The following TNNI2 variants were observed in gnomAD, a reference collection of about 807,000 sequenced individuals.
TNNI2 encodes troponin I2, fast skeletal type.
In TNNI2, 14 loss-of-function variants were observed where a neutral mutation model predicts 26.5. That is an observed-to-expected ratio of 0.53 (90% CI 0.35 to 0.83). The LOEUF (loss-of-function observed/expected upper bound fraction) is 0.83, where lower values mean the gene tolerates loss of function less well. Among genes scored for constraint, TNNI2 ranks in the 40% least tolerant of loss-of-function variants. TNNI2 has a pLI of 0.01. For synonymous variants in TNNI2, 126 were observed against 97.6 expected (o/e 1.29, Z -1.71); for missense variants, 205 against 248.5 (o/e 0.82, Z 1.18).
Position 1,841,121 on chromosome 11 carries a change from C to A in TNNI2, c.367C>A (p.Leu123Ile). The change falls in exon 7 of 8, where the codon CTC becomes ATC. Residue 123 changes from leucine (L) to isoleucine (I), a missense_variant. Physicochemically the swap from Leu to Ile is conservative, Grantham distance 5. Coordinates refer to ENST00000381911, the MANE Select transcript of TNNI2 (RefSeq NM_003282.4). ...RRVRMSADAM[L>I]KALLGSKHKV... The stretch of plus-strand genomic sequence containing the variant: ...GGTGCGCATGTCGGCCGATGCCATG[C>A]TCAAGGCCCTGCTGGGCTCGAAGCA... 6.2e-7 allele frequency: 1 copy of A among 1,613,276 alleles called. No homozygotes were observed. The highest frequency in any genetic ancestry group is 1.3e-5 in the African/African-American group (1 of 75,052).
intron 5 of TNNI2, 23 bp downstream of exon 5, chr11:1,840,679 C>T (rs1307754212): frequency 6.2e-7 from 1 of 1,612,548 alleles, no homozygotes; most frequent in Non-Finnish European, 8.5e-7. Flanking sequence ...CCCCGGCCAC[C>T]CCGCCTCCCC....
rs1847112523 is a variant in TNNI2, at chr11:1,839,364, G to C, written c.-22-311G>C. On this transcript the variant is annotated intron_variant, in intron 1 of 7. Coordinates refer to ENST00000381911, the MANE Select transcript of TNNI2 (RefSeq NM_003282.4). ...ACTTAGGCCCAAAGCCAAAGAGAGA[G>C]GGTTAAAAATAACAGCGTCACTCAG... 2.9e-5 allele frequency: 13 copies of C among 455,876 alleles called. No homozygotes were observed. In the South Asian group the frequency reaches 3.3e-4, roughly 12 times the overall value. 28.2% of individuals were successfully genotyped at this position (455,876 alleles called of 1,614,324 possible). A position where few individuals can be genotyped will look rare whatever the true frequency, so the allele number is the denominator to read the frequency against.
Position 1,840,424 on chromosome 11 carries a change from G to T in TNNI2, c.37G>T (p.Ala13Ser). The change falls in exon 4 of 8, where the codon GCC (alanine) becomes TCC (serine). Residue 13 changes from alanine (A) to serine (S), a missense_variant. Physicochemically the swap from Ala to Ser is moderately conservative, Grantham distance 99 (BLOSUM62 1). Coordinates refer to ENST00000381911, the MANE Select transcript of TNNI2 (RefSeq NM_003282.4). Reference protein sequence around the residue: ...DEEKRNRAITARRQHLKSVML... With the variant: ...DEEKRNRAITSRRQHLKSVML... ...GCAGAAGCGGAACAGGGCCATCACG[G>T]CCCGCAGGCAGCACCTGAAGGTAGG... is the stretch of plus-strand genomic sequence containing the variant. 6.2e-7 allele frequency: 1 copy of T among 1,610,568 alleles called. No individual in the cohort carries two copies. Among genetic ancestry groups the T allele is most frequent in the Non-Finnish European group, 8.5e-7 (1 of 1,179,492 alleles).
Position 1,841,498 on chromosome 11 carries a change from G to A in TNNI2, c.496G>A (p.Glu166Lys), listed in dbSNP as rs1847181948. 1 of 1,614,046 alleles carries A rather than the reference G, an allele frequency of 6.2e-7. No homozygotes were observed. Among genetic ancestry groups the A allele is most frequent in the African/African-American group, 1.3e-5 (1 of 74,940 alleles). The change falls in exon 8 of 8, where the codon GAG becomes AAG. Residue 166 changes from glutamate to lysine, a missense_variant. By Grantham distance (56) the Glu-to-Lys change is moderately conservative (BLOSUM62 1). Transcript: ENST00000381911. Reference sequence around the variant, plus strand: ...CGTGGGTGACTGGAGGAAGAACATCGAGGAGAAGTCTGGCATGGAGGGCCG... The same window carrying A: ...CGTGGGTGACTGGAGGAAGAACATCAAGGAGAAGTCTGGCATGGAGGGCCG... Reference protein sequence around the residue: ...RDVGDWRKNIEEKSGMEGRKK... With the variant: ...RDVGDWRKNIKEKSGMEGRKK...
intron 3 of TNNI2, chr11:1,840,190 C>A (rs972130212): frequency 1.9e-6 from 3 of 1,551,016 alleles, no homozygotes; most frequent in Non-Finnish European, 2.6e-6. Flanking sequence ...GCACCATGTG[C>A]CACCTGGCAA....
chr11:1,839,876 C>T (rs2292476), intron 3 of TNNI2, 21 bp downstream of exon 3: 1 of 1,613,670 alleles, frequency 6.2e-7, no homozygotes, highest in South Asian at 1.1e-5. Context: ...GCTGGGGGCT[C>T]AAAACATGAC....
chr11:1,841,572 C>G lies in TNNI2; in HGVS notation c.*21C>G. On this transcript the variant is annotated 3_prime_UTR_variant, in exon 8 of 8. Coordinates refer to ENST00000381911, the MANE Select transcript of TNNI2 (RefSeq NM_003282.4). ...CCTAGGCCACTCGCTGCCCCTACGC[C>G]TGCCCCGGTGCCCGGCTCCCAGCAG... The G allele has an allele frequency of 6.2e-7, 1 of 1,610,744 alleles. No homozygotes were observed. The highest frequency in any genetic ancestry group is 8.5e-7 in the Non-Finnish European group (1 of 1,177,116).
At position 1,841,091 on chromosome 11, in the gene TNNI2, C is replaced by A. The variant is rs762215990; in HGVS notation, c.337C>A (p.Arg113=). 5.6e-6 allele frequency: 9 copies of A among 1,613,196 alleles called. No homozygotes were observed. The East Asian group carries it at 2.0e-4, about 36-fold the overall frequency. The stretch of plus-strand genomic sequence containing the variant: ...GGGCAAGTTCAAGCGGCCCCCACTG[C>A]GGAGGGTGCGCATGTCGGCCGATGC... ...LRGKFKRPPL[R]RVRMSADAML... Residue 113 remains arginine (R), a synonymous_variant, in exon 7 of 8, where the codon CGG becomes AGG. Coordinates refer to ENST00000381911, the MANE Select transcript of TNNI2 (RefSeq NM_003282.4).
At position 1,841,647 on chromosome 11, in the gene TNNI2, C is replaced by T; in HGVS notation, c.*96C>T. 1 of 1,082,232 alleles carries T rather than the reference C, an allele frequency of 9.2e-7. No individual in the cohort carries two copies. The highest frequency in any genetic ancestry group is 1.4e-6 in the Non-Finnish European group (1 of 715,138). The allele number at this position is 1,082,232 out of a possible 1,614,324, so 67.0% of individuals were successfully genotyped here. ...AGCCTGCCAGGGAGGGCTGGCCTCA[C>T]CACCACCGTCAATAAAGGATTTGAA... On this transcript the variant is annotated 3_prime_UTR_variant, in exon 8 of 8. Coordinates refer to ENST00000381911, the MANE Select transcript of TNNI2 (RefSeq NM_003282.4).
rs1239532809 is a variant in TNNI2, at chr11:1,840,550, C to T, written c.80C>T (p.Ala27Val). 2 of 1,612,318 alleles carry T rather than the reference C, an allele frequency of 1.2e-6. No homozygotes were observed. The highest frequency in any genetic ancestry group is 2.7e-5 in the African/African-American group (2 of 74,930). ...HLKSVMLQIA[A>V]TELEKEESRR... The stretch of plus-strand genomic sequence containing the variant: ...CAGAGTGTGATGCTGCAGATAGCGG[C>T]CACGGAGCTGGAGAAGGAGGAGAGC... Residue 27 changes from alanine (A) to valine (V), a missense_variant, in exon 5 of 8, where the codon GCC (alanine) becomes GTC (valine). Ala to Val is a moderately conservative substitution (Grantham distance 64, BLOSUM62 0). Transcript: ENST00000381911.
chr11:1,840,770 G>T (rs371388789), intron 5 of TNNI2, 49 bp from the exon 6 acceptor site: 1 of 1,600,570 alleles, frequency 6.2e-7, no homozygotes, highest in South Asian at 1.1e-5. Context: ...GCAGGTGACC[G>T]TGGCTGCCAA....
At chr11:1,840,206 C>T in intron 3 of TNNI2, 197 bp from the exon 4 acceptor site, 16 of 1,551,130 alleles carry the variant, frequency 1.0e-5, no homozygotes, top group Non-Finnish European at 1.4e-5. Context: ...GGCAAAGTGT[C>T]ACACACCACA....
In TNNI2 at chr11:1,841,551, G is replaced by A. The variant is rs781603963; in HGVS notation, c.549G>A (p.Ter183=). 1 of 1,613,966 alleles carries A rather than the reference G, an allele frequency of 6.2e-7. No homozygotes were observed. Among genetic ancestry groups the A allele is most frequent in the South Asian group, 1.1e-5 (1 of 91,078 alleles). The part of the protein sequence containing the change: ...GRKKMFESES[*] ...AGAAGATGTTTGAGTCCGAGTCCTA[G>A]GCCACTCGCTGCCCCTACGCCTGCC... Residue 183 remains the stop codon, a stop_retained_variant, in exon 8 of 8, where the codon TAG becomes TAA. Coordinates refer to ENST00000381911, the MANE Select transcript of TNNI2 (RefSeq NM_003282.4).
At chr11:1,840,140 C>A in intron 3 of TNNI2, 2 of 1,487,892 alleles carry the variant, frequency 1.3e-6, no homozygotes, top group Non-Finnish European at 1.8e-6. Context: ...GCCGACCTGC[C>A]CCCAACTGGC....
chr11:1,839,413 C>G, intron 1 of TNNI2: 1 of 444,956 alleles, frequency 2.2e-6, no homozygotes, highest in Non-Finnish European at 4.2e-6. Flanking sequence ...CTGGCCCATC[C>G]CACCCTCCCT....
rs781242008 is a variant in TNNI2 at position 1,839,666 on chromosome 11, T to C, written c.-22-9T>C. On this transcript the variant is annotated splice_polypyrimidine_tract_variant and intron_variant, in intron 1 of 7. Coordinates refer to ENST00000381911, the MANE Select transcript of TNNI2 (RefSeq NM_003282.4). ...CCTGGCCAACACCTCTGTCTTCCTC[T>C]CCCCACAGGCTCCAAGCTCAGGACC... 1 of 1,613,422 alleles carries C rather than the reference T, an allele frequency of 6.2e-7. No homozygotes were observed. The highest frequency in any genetic ancestry group is 1.3e-5 in the African/African-American group (1 of 74,924).
chr11:1,839,790 C>T, intron 2 of TNNI2, 59 bp from the exon 3 acceptor site: 1 of 1,612,718 alleles, frequency 6.2e-7, no homozygotes, highest in Non-Finnish European at 8.5e-7. Context: ...CCCCGCCAGC[C>T]ATGGCCCTAA....
chr11:1,841,500 G>A lies in TNNI2; in HGVS notation c.498G>A (p.Glu166=). The A allele has an allele frequency of 1.2e-6, 2 of 1,614,162 alleles. No individual in the cohort carries two copies. The highest frequency in any genetic ancestry group is 8.5e-7 in the Non-Finnish European group (1 of 1,180,008). Residue 166 remains glutamate (E), a synonymous_variant, in exon 8 of 8, where the codon GAG becomes GAA. Transcript: ENST00000381911. ...RDVGDWRKNI[E]EKSGMEGRKK... is the part of the protein sequence containing the mutation. ...TGGGTGACTGGAGGAAGAACATCGA[G>A]GAGAAGTCTGGCATGGAGGGCCGGA... is the stretch of plus-strand genomic sequence containing the variant.
chr11:1,840,899 C>G lies in TNNI2; in HGVS notation c.267C>G (p.Thr89=). Residue 89 remains threonine, a synonymous_variant, in exon 6 of 8, where the codon ACC becomes ACG. Coordinates refer to ENST00000381911, the MANE Select transcript of TNNI2 (RefSeq NM_003282.4). The stretch of plus-strand genomic sequence containing the variant: ...ACATGGAGGTGAGGGTGCAGAAGAC[C>G]AGCAAGGAGGTGAGTGGTGGCGGCG... ...KYDMEVRVQK[T]SKELEDMNQK... is the part of the protein sequence containing the mutation. 6.2e-7 allele frequency: 1 copy of G among 1,613,122 alleles called. No homozygotes were observed. The highest frequency in any genetic ancestry group is 1.3e-5 in the African/African-American group (1 of 75,032).
Sources: allele counts gnomAD v4.1 joint callset, GRCh38; gene constraint gnomAD v4.1.1; transcripts MANE v1.5; gene names NCBI Gene and HGNC (gene_info 2026-07-23, HGNC 2026-07-21).